DIS3L2: variants seen among roughly 807,000 people sequenced by gnomAD.
DIS3L2 encodes the protein DIS3 like 3'-5' exoribonuclease 2.
In DIS3L2, 34 loss-of-function variants were observed where a neutral mutation model predicts 97.5. That is an observed-to-expected ratio of 0.35 (90% CI 0.27 to 0.46). The LOEUF (loss-of-function observed/expected upper bound fraction) is 0.46, where lower values mean the gene tolerates loss of function less well. Among genes scored for constraint, DIS3L2 ranks in the 20% least tolerant of loss-of-function variants. The probability of loss-of-function intolerance (pLI) is 1.00; values close to 1 mark genes in which losing one functional copy is unlikely to be tolerated. For missense variants in DIS3L2, 1,038 were observed against 1,146.0 expected (o/e 0.91, Z 1.36); for synonymous variants, 435 against 445.2 (o/e 0.98, Z 0.29).
chr2:232,125,304 G>T (rs577685445), intron 6 of DIS3L2, among the ~76,000 whole-genome samples: 1 of 152,326 alleles, frequency 6.6e-6, no homozygotes, highest in South Asian at 2.1e-4. Context: ...CGAGCTCCCT[G>T]AGGACAGAGC....
At chr2:231,966,675 T>G (rs963869825) in intron 1 of DIS3L2, among the ~76,000 whole-genome samples, 5 of 110,848 alleles carry the variant, frequency 4.5e-5, no homozygotes, top group Non-Finnish European at 6.9e-5. Flanking sequence ...TTTTTTTTTT[T>G]GTGGAGACAG....
chr2:231,994,030 G>T (rs1274073193), intron 1 of DIS3L2, among the ~76,000 whole-genome samples: 1 of 147,666 alleles, frequency 6.8e-6, no homozygotes, highest in East Asian at 2.0e-4. Flanking sequence ...GATCCATTTT[G>T]AGTTAATTTT....
intron 1 of DIS3L2, among the ~76,000 whole-genome samples, chr2:231,993,763 A>AT (rs555244063): frequency 0.03 from 4,001 of 135,518 alleles, 73 homozygotes; most frequent in Non-Finnish European, 0.044. Context: ...TTCCAACTGC[A>AT]TTTTTTTTTT....
intron 10 of DIS3L2, among the ~76,000 whole-genome samples, chr2:232,219,676 C>G (rs2106230205): frequency 6.6e-6 from 1 of 152,196 alleles, no homozygotes; most frequent in East Asian, 1.9e-4. Context: ...ACGTGAGGCT[C>G]ACTTCCTTCC....
rs893635954 is a variant in DIS3L2, at chr2:232,044,710, A to G, written c.366+14630A>G. ...ACATTTTATAGAGAGATAAAAGAAG[A>G]CCTCTGAGGATAGAGCCTGAGGAAT... On this transcript the variant is annotated intron_variant, in intron 5 of 20. Transcript: ENST00000325385. 3.9e-5 allele frequency among the ~76,000 whole-genome samples: 6 copies of G among 152,098 alleles called. 1 individual carries two copies. Among genetic ancestry groups the G allele is most frequent in the African/African-American group, 1.4e-4 (6 of 41,418 alleles).
intron 6 of DIS3L2, among the ~76,000 whole-genome samples, chr2:232,101,688 G>A (rs572557533): frequency 9.2e-5 from 14 of 152,346 alleles, no homozygotes; most frequent in African/African-American, 3.4e-4. Flanking sequence ...ATAGGGCTAA[G>A]CATTGGTATT....
chr2:232,037,773 C>A lies in DIS3L2; in HGVS notation c.366+7693C>A, dbSNP rs1009772721. Among the ~76,000 whole-genome samples the A allele has an allele frequency of 1.3e-5, 2 of 152,162 alleles. No homozygotes were observed. Among genetic ancestry groups the A allele is most frequent in the Non-Finnish European group, 2.9e-5 (2 of 68,020 alleles). On this transcript the variant is annotated intron_variant, in intron 5 of 20. Transcript: ENST00000325385. The surrounding 1 kb of genome is among the most constrained non-coding windows in gnomAD (Gnocchi z 4.6). The stretch of plus-strand genomic sequence containing the variant: ...TCACAGCACAGTCCCTCATGGCTTC[C>A]CTTGGCTAGGGGTGGGAGTTCCCTG...
At chr2:231,983,991 A>G (rs945365172) in intron 1 of DIS3L2, among the ~76,000 whole-genome samples, 4 of 151,874 alleles carry the variant, frequency 2.6e-5, no homozygotes, top group African/African-American at 7.2e-5. Flanking sequence ...TAAAAAGGCT[A>G]TTTTTGTGTA....
chr2:232,112,434 C>T lies in DIS3L2; in HGVS notation c.602-18185C>T, dbSNP rs145511736. On this transcript the variant is annotated intron_variant, in intron 6 of 20. Coordinates refer to ENST00000325385, the MANE Select transcript of DIS3L2 (RefSeq NM_152383.5). ...AAAGTAAAATCTGGATACTAGTCTT[C>T]GGGTGCACTTAGTCCTTAAGAGGAG... 8.5e-5 allele frequency among the ~76,000 whole-genome samples: 13 copies of T among 152,278 alleles called. No individual in the cohort carries two copies. The East Asian group carries it at 2.3e-3, about 27-fold the overall frequency.
At chr2:232,270,845 C>G (rs941608043) in intron 13 of DIS3L2, among the ~76,000 whole-genome samples, 2 of 150,884 alleles carry the variant, frequency 1.3e-5, no homozygotes, top group East Asian at 2.0e-4. Context: ...CGCACTCGCG[C>G]GCTCTCTTTT....
chr2:232,227,569 T>C (rs930774251), intron 10 of DIS3L2, among the ~76,000 whole-genome samples: 15 of 152,382 alleles, frequency 9.8e-5, no homozygotes, highest in African/African-American at 3.4e-4. Flanking sequence ...TTAACTTTTG[T>C]GACGTCTTGG....
At chr2:232,139,339 C>T (rs1441688574) in intron 8 of DIS3L2, among the ~76,000 whole-genome samples, 1 of 152,222 alleles carries the variant, frequency 6.6e-6, no homozygotes, top group Non-Finnish European at 1.5e-5. Flanking sequence ...AGTCTTCTAC[C>T]TGCACAACAG....
intron 6 of DIS3L2, among the ~76,000 whole-genome samples, chr2:232,113,754 C>T (rs1697614158): frequency 6.6e-6 from 1 of 152,310 alleles, no homozygotes; most frequent in South Asian, 2.1e-4. Context: ...TTGGGAGGAA[C>T]TTAGTTTACA....
At chr2:232,005,841 G>A (rs971758298) in intron 1 of DIS3L2, among the ~76,000 whole-genome samples, 2 of 152,170 alleles carry the variant, frequency 1.3e-5, no homozygotes, top group African/African-American at 4.8e-5. Flanking sequence ...GATGCGCCTG[G>A]AAGGATGGGT....
chr2:232,221,237 A>T (rs1239599725), intron 10 of DIS3L2, among the ~76,000 whole-genome samples: 1 of 152,194 alleles, frequency 6.6e-6, no homozygotes, highest in Non-Finnish European at 1.5e-5. Flanking sequence ...AATGAAAGTC[A>T]ACTTTATATG....
intron 1 of DIS3L2, among the ~76,000 whole-genome samples, chr2:232,009,053 T>G (rs1389219821): frequency 6.6e-6 from 1 of 152,180 alleles, no homozygotes; most frequent in African/African-American, 2.4e-5. Flanking sequence ...AAATTTCCAT[T>G]TGGCTCTTTT....
rs973340927 is a variant in DIS3L2 at position 232,059,413 on chromosome 2, C to T, written c.367-28074C>T. Among the ~76,000 whole-genome samples, 7 of 152,300 alleles carry T rather than the reference C, an allele frequency of 4.6e-5. No homozygotes were observed. In the South Asian group the frequency reaches 1.5e-3, roughly 32 times the overall value. ...GGCTTAACTATCAAAAATAATAGCA[C>T]CACCAAACCCAGCATAAGCCCTGAA... On this transcript the variant is annotated intron_variant, in intron 5 of 20. Transcript: ENST00000325385.
chr2:232,146,238 C>T (rs1435371963), intron 8 of DIS3L2, among the ~76,000 whole-genome samples: 1 of 152,134 alleles, frequency 6.6e-6, no homozygotes, highest in East Asian at 1.9e-4. Flanking sequence ...AATACCTCTA[C>T]AAGATCTATG....
rs566286414 is a variant in DIS3L2, at chr2:232,279,627, C to T, written c.1659+16187C>T. ...CACTGCATCCTCTACCTCCTGGGTT[C>T]GAGTGATTCTCCTGCCTCAGCCTCC... On this transcript the variant is annotated intron_variant, in intron 13 of 20. Transcript: ENST00000325385. 6.6e-5 allele frequency among the ~76,000 whole-genome samples: 10 copies of T among 152,202 alleles called. 1 individual carries two copies. The East Asian group carries it at 1.2e-3, about 18-fold the overall frequency.
Sources: allele counts gnomAD v4.1 joint callset (sites outside exome capture counted in the v4.1 genomes callset), GRCh38; gene constraint gnomAD v4.1.1; non-coding constraint Gnocchi (gnomAD v3.1); transcripts MANE v1.5; gene names NCBI Gene and HGNC (gene_info 2026-07-23, HGNC 2026-07-21).